C8orf34: variants seen among roughly 807,000 people sequenced by gnomAD.
C8orf34 encodes the protein uncharacterized protein C8orf34.
In C8orf34, 65 loss-of-function variants were observed where a neutral mutation model predicts 68.3. The observed-to-expected ratio is 0.95, with a 90% CI of 0.78 to 1.17. C8orf34 has a LOEUF of 1.17. C8orf34 is among the 50% of genes most tolerant of loss of function. The probability of loss-of-function intolerance (pLI) is 0.00; values close to 1 mark genes in which losing one functional copy is unlikely to be tolerated. For synonymous variants in C8orf34, 244 were observed against 241.2 expected (o/e 1.01, Z -0.11); for missense variants, 664 against 655.4 (o/e 1.01, Z -0.14).
At position 68,344,012 on chromosome 8, in the gene C8orf34, C is replaced by A. The variant is rs145566884; in HGVS notation, c.327+12673C>A. ...AAAGTTCTGAGATTACAGGTGTGAGCCAATATTGTTTAAAGTAGATATGCA... is the reference window on the plus strand; with the variant it reads ...AAAGTTCTGAGATTACAGGTGTGAGACAATATTGTTTAAAGTAGATATGCA... On this transcript the variant is annotated intron_variant, in intron 1 of 13. Transcript: ENST00000518698. Among the ~76,000 whole-genome samples the A allele has an allele frequency of 8.2e-3, 1,249 of 152,170 alleles. 13 individuals carry two copies. The highest frequency in any genetic ancestry group is 0.029 in the African/African-American group (1,208 of 41,508).
At chr8:68,802,300 A>G (rs1429019560) in intron 12 of C8orf34, among the ~76,000 whole-genome samples, 1 of 151,638 alleles carries the variant, frequency 6.6e-6, no homozygotes, top group Non-Finnish European at 1.5e-5. Flanking sequence ...GGGTTTCTCC[A>G]TGTTGGTCAG....
chr8:68,499,710 A>G (rs555088563), intron 5 of C8orf34, among the ~76,000 whole-genome samples: 1 of 152,312 alleles, frequency 6.6e-6, no homozygotes, highest in East Asian at 1.9e-4. Context: ...TTTTCACTGG[A>G]GAAACCTGGA....
At chr8:68,439,345 G>A in intron 1 of C8orf34, 154 bp from the exon 2 acceptor site, 3 of 596,584 alleles carry the variant, frequency 5.0e-6, no homozygotes, top group Non-Finnish European at 8.3e-6. Flanking sequence ...GCAGTAACTT[G>A]TAGCCGTCTG....
At chr8:68,610,958 A>C (rs117761079) in intron 7 of C8orf34, among the ~76,000 whole-genome samples, 2,599 of 147,936 alleles carry the variant, frequency 0.018, 39 homozygotes, top group Middle Eastern at 0.056. Context: ...TCCGCCTACC[A>C]GGGTCAAGCT....
chr8:68,613,635 C>A (rs1325473725), intron 7 of C8orf34, among the ~76,000 whole-genome samples: 1 of 151,668 alleles, frequency 6.6e-6, no homozygotes, highest in African/African-American at 2.4e-5. Flanking sequence ...TTTTTTATGG[C>A]TGCATAGTAT....
chr8:68,745,543 T>A (rs1392686369), intron 10 of C8orf34, among the ~76,000 whole-genome samples: 4 of 152,052 alleles, frequency 2.6e-5, no homozygotes, highest in Non-Finnish European at 4.4e-5. Flanking sequence ...GAGGAAGGTC[T>A]ACCAAGCAAA....
chr8:68,755,641 C>A (rs1433135881), intron 10 of C8orf34, among the ~76,000 whole-genome samples: 1 of 152,196 alleles, frequency 6.6e-6, no homozygotes. Context: ...AATTCTAATA[C>A]CTTGCCTTCT....
At chr8:68,718,866 T>C (rs527437722) in intron 9 of C8orf34, among the ~76,000 whole-genome samples, 233 of 152,304 alleles carry the variant, frequency 1.5e-3, no homozygotes, top group African/African-American at 5.2e-3. Flanking sequence ...TCTGGTAAAA[T>C]TACTTTATCT....
At chr8:68,781,841 A>G (rs1001372384) in intron 11 of C8orf34, among the ~76,000 whole-genome samples, 2 of 152,216 alleles carry the variant, frequency 1.3e-5, no homozygotes, top group Non-Finnish European at 2.9e-5. Context: ...TTACCAAGCT[A>G]ATGTTCCATT....
At chr8:68,698,521 T>C (rs1182773456) in intron 8 of C8orf34, among the ~76,000 whole-genome samples, 2 of 152,020 alleles carry the variant, frequency 1.3e-5, no homozygotes, top group African/African-American at 2.4e-5. Flanking sequence ...TTCCAAGGAA[T>C]ATACAGAAGA....
chr8:68,726,217 A>G (rs1309322293), intron 10 of C8orf34, among the ~76,000 whole-genome samples: 1 of 152,134 alleles, frequency 6.6e-6, no homozygotes, highest in Non-Finnish European at 1.5e-5. Flanking sequence ...CACCAATATC[A>G]AAGGTAGAAT....
chr8:68,359,712 G>T (rs944947069), intron 1 of C8orf34, among the ~76,000 whole-genome samples: 3 of 152,104 alleles, frequency 2.0e-5, no homozygotes, highest in African/African-American at 7.2e-5. Context: ...GATAGTGCGT[G>T]CTACCTGGGT....
intron 7 of C8orf34, among the ~76,000 whole-genome samples, chr8:68,584,596 A>G (rs2130376302): frequency 6.6e-6 from 1 of 152,300 alleles, no homozygotes; most frequent in East Asian, 1.9e-4. Context: ...GCTGGGAATC[A>G]TTAGTCATAA....
chr8:68,760,890 ATGGT>A (rs950222600), intron 10 of C8orf34, among the ~76,000 whole-genome samples: 12 of 152,274 alleles, frequency 7.9e-5, no homozygotes, highest in Admixed American at 6.5e-4. Context: ...GACTAATACA[ATGGT>A]TGGTTTCATT....
chr8:68,745,071 G>T (rs1249877081), intron 10 of C8orf34, among the ~76,000 whole-genome samples: 5 of 152,080 alleles, frequency 3.3e-5, no homozygotes, highest in Non-Finnish European at 7.4e-5. Context: ...GAGAGTGGGG[G>T]CCAATATTCA....
chr8:68,534,434 G>A (rs577831780), intron 7 of C8orf34: 1 of 756,696 alleles, frequency 1.3e-6, no homozygotes, highest in East Asian at 1.3e-4. Context: ...ATTGTGATCT[G>A]TGTTTGAAGG....
intron 12 of C8orf34, among the ~76,000 whole-genome samples, chr8:68,796,736 A>G (rs1824186948): frequency 6.6e-6 from 1 of 152,138 alleles, no homozygotes; most frequent in South Asian, 2.1e-4. Flanking sequence ...AAATATTTAC[A>G]TAATCCAATC....
intron 10 of C8orf34, among the ~76,000 whole-genome samples, chr8:68,734,999 C>T (rs1177965312): frequency 6.6e-6 from 1 of 152,178 alleles, no homozygotes; most frequent in Non-Finnish European, 1.5e-5. Flanking sequence ...GCCTTACTTA[C>T]ATTAACTTAT....
intron 7 of C8orf34, among the ~76,000 whole-genome samples, chr8:68,630,735 ATTAT>A (rs1818665554): frequency 1.3e-5 from 2 of 152,088 alleles, no homozygotes; most frequent in Admixed American, 6.6e-5. Context: ...AATTTAGCAA[ATTAT>A]TTATTTATTT....
Sources: allele counts gnomAD v4.1 joint callset (sites outside exome capture counted in the v4.1 genomes callset), GRCh38; gene constraint gnomAD v4.1.1; transcripts MANE v1.5; gene names NCBI Gene and HGNC (gene_info 2026-07-23, HGNC 2026-07-21).